GPHN: variants seen among roughly 807,000 people sequenced by gnomAD.
GPHN encodes the protein gephyrin.
GPHN carries 17 observed loss-of-function variants against 95.5 expected under a neutral mutation model. That is an observed-to-expected ratio of 0.18 (90% confidence interval 0.12 to 0.27). The LOEUF is 0.27. GPHN is among the 10% of genes least tolerant of loss of function. The probability of loss-of-function intolerance (pLI) is 1.00; values close to 1 mark genes in which losing one functional copy is unlikely to be tolerated. For synonymous variants in GPHN, 320 were observed against 322.5 expected (o/e 0.99, Z 0.08); for missense variants, 660 against 978.1 (o/e 0.67, Z 4.34).
chr14:66,556,030 A>G (rs902183562), intron 1 of GPHN, among the ~76,000 whole-genome samples: 20 of 152,178 alleles, frequency 1.3e-4, no homozygotes, highest in African/African-American at 4.8e-4. Context: ...TTGCTCTTAG[A>G]CTACAAACCT....
chr14:66,770,398 G>C (rs889412088), intron 2 of GPHN, among the ~76,000 whole-genome samples: 2 of 151,984 alleles, frequency 1.3e-5, no homozygotes, highest in African/African-American at 4.8e-5. Flanking sequence ...CACTAACTCT[G>C]CTCATTCCTG....
intron 5 of GPHN, among the ~76,000 whole-genome samples, chr14:66,896,657 T>C (rs2064867181): frequency 6.6e-6 from 1 of 152,078 alleles, no homozygotes; most frequent in African/African-American, 2.4e-5. Context: ...ATATTGATTA[T>C]AGTTTTTTAA....
chr14:67,581,130 G>A, the GPHN span: 38 of 794,156 alleles, frequency 4.8e-5, 1 homozygote, highest in South Asian at 5.8e-5. Flanking sequence ...CTATCCAGAC[G>A]GGGGGAGGGA....
At chr14:67,199,222 A>G in the GPHN span, 3 of 1,607,224 alleles carry the variant, frequency 1.9e-6, no homozygotes, top group Non-Finnish European at 2.6e-6. Context: ...GGCCAGCACC[A>G]AGGCTATGAC....
At chr14:67,022,878 C>CCATG (rs1488511561) in intron 9 of GPHN, among the ~76,000 whole-genome samples, 1 of 151,676 alleles carries the variant, frequency 6.6e-6, no homozygotes, top group Non-Finnish European at 1.5e-5. Flanking sequence ...ATGACATGTA[C>CCATG]CATGCTCCTT....
chr14:67,130,061 T>G (rs1224945373), intron 17 of GPHN, among the ~76,000 whole-genome samples: 2 of 152,136 alleles, frequency 1.3e-5, no homozygotes, highest in Non-Finnish European at 2.9e-5. Flanking sequence ...CACAGTGCCT[T>G]TCTATTCTTT....
the GPHN span, among the ~76,000 whole-genome samples, chr14:67,320,741 C>A: frequency 6.6e-6 from 1 of 151,966 alleles, no homozygotes; most frequent in Non-Finnish European, 1.5e-5. Context: ...TTATATGGTA[C>A]CTAATCTTAT....
chr14:67,272,983 C>T, the GPHN span, among the ~76,000 whole-genome samples: 4 of 152,176 alleles, frequency 2.6e-5, no homozygotes, highest in Non-Finnish European at 4.4e-5. Flanking sequence ...CTGTAACCTT[C>T]GTATTTCTTG....
At chr14:66,755,271 C>T (rs1314181625) in intron 2 of GPHN, among the ~76,000 whole-genome samples, 1 of 152,034 alleles carries the variant, frequency 6.6e-6, no homozygotes, top group African/African-American at 2.4e-5. Context: ...CTTGACTTTA[C>T]TGACTATGTT....
chr14:66,508,691 G>A (rs2057894566), intron 1 of GPHN, 100 bp downstream of exon 1: 7 of 1,095,850 alleles, frequency 6.4e-6, no homozygotes, highest in Non-Finnish European at 9.9e-6. Context: ...TCGGGAGGAG[G>A]GAAGGCTGAA....
the GPHN span, among the ~76,000 whole-genome samples, chr14:67,246,806 C>T: frequency 6.6e-6 from 1 of 152,108 alleles, no homozygotes; most frequent in South Asian, 2.1e-4. Flanking sequence ...CGCGCACCAC[C>T]ACGCCCAGCT....
the GPHN span, among the ~76,000 whole-genome samples, chr14:67,249,698 C>G: frequency 6.6e-6 from 1 of 152,174 alleles, no homozygotes; most frequent in Non-Finnish European, 1.5e-5. Flanking sequence ...AGAAACTTCA[C>G]ACAAAAAGTT....
intron 2 of GPHN, among the ~76,000 whole-genome samples, chr14:66,761,258 G>T (rs1393814600): frequency 1.3e-5 from 2 of 152,064 alleles, no homozygotes; most frequent in Admixed American, 1.3e-4. Flanking sequence ...TATAACTATA[G>T]AAGTGAATTG....
At chr14:67,503,410 G>C in the GPHN span, 1 of 152,252 alleles carries the variant, frequency 6.6e-6, no homozygotes, top group East Asian at 1.9e-4. Context: ...TTTCCTGGGG[G>C]CGCTGGGGAG....
chr14:67,500,143 A>T, the GPHN span, among the ~76,000 whole-genome samples: 56 of 152,240 alleles, frequency 3.7e-4, no homozygotes, highest in African/African-American at 1.2e-3. Flanking sequence ...CAGCCTGGGC[A>T]ACAGAGTGAG....
chr14:67,594,765 G>A, the GPHN span, among the ~76,000 whole-genome samples: 7 of 152,150 alleles, frequency 4.6e-5, no homozygotes, highest in African/African-American at 1.7e-4. Flanking sequence ...TTTAGTTCTA[G>A]CACTCAAATA....
chr14:66,591,260 C>A (rs575809552), intron 1 of GPHN, among the ~76,000 whole-genome samples: 1 of 152,284 alleles, frequency 6.6e-6, no homozygotes, highest in African/African-American at 2.4e-5. Context: ...CAAGGATGCC[C>A]TCTCTCACCA....
At chr14:67,039,771 C>A (rs973663370) in intron 10 of GPHN, among the ~76,000 whole-genome samples, 11 of 152,132 alleles carry the variant, frequency 7.2e-5, no homozygotes, top group African/African-American at 2.7e-4. Context: ...CCAGCCTGGG[C>A]AACAGAGCAA....
chr14:66,611,820 A>C (rs891637144), intron 1 of GPHN, among the ~76,000 whole-genome samples: 2 of 152,128 alleles, frequency 1.3e-5, no homozygotes, highest in Admixed American at 6.6e-5. Context: ...TTAGGGCATC[A>C]TTATCAGTTA....
Sources: gnomAD v4.1 joint callset for allele counts (sites outside exome capture counted in the v4.1 genomes callset) on GRCh38, gnomAD v4.1.1 for gene constraint, MANE v1.5 for transcripts, NCBI Gene and HGNC (gene_info 2026-07-23, HGNC 2026-07-21) for gene names.